Variants in LRRC37A observed in about 807,000 individuals in gnomAD.
The protein encoded by LRRC37A is leucine-rich repeat-containing protein 37A.
In LRRC37A, 3 loss-of-function variants were observed where a neutral mutation model predicts 35.4. That is an observed-to-expected ratio of 0.08 (90% CI 0.04 to 0.22). LRRC37A has a LOEUF of 0.22. LRRC37A is among the 10% of genes least tolerant of loss of function. The pLI is 1.00. For missense variants in LRRC37A, 67 were observed against 565.3 expected (o/e 0.12, Z 8.94); for synonymous variants, 23 against 215.0 (o/e 0.11, Z 7.81).
chr17:46,258,303 T>A, the LRRC37A span, among the ~76,000 whole-genome samples: 1 of 148,540 alleles, frequency 6.7e-6, no homozygotes, highest in African/African-American at 2.4e-5. Flanking sequence ...CTCTGCCTCC[T>A]GGGTTCAAGT....
At chr17:46,272,058 C>T in the LRRC37A span, among the ~76,000 whole-genome samples, 3 of 152,238 alleles carry the variant, frequency 2.0e-5, no homozygotes, top group Non-Finnish European at 4.4e-5. Context: ...CCATGCCCAG[C>T]CACAATTTTA....
At chr17:46,260,618 C>CAA in the LRRC37A span, 5 of 1,181,900 alleles carry the variant, frequency 4.2e-6, no homozygotes, top group East Asian at 2.8e-5. Context: ...GCTCTCTATT[C>CAA]TCTTTTTTTT....
chr17:46,271,168 T>TTTTCTTTTC, the LRRC37A span, among the ~76,000 whole-genome samples: 172 of 112,716 alleles, frequency 1.5e-3, no homozygotes, highest in Non-Finnish European at 3.0e-3. Flanking sequence ...TAGTTTCTTT[T>TTTTCTTTTC]TTTTTTTTTT....
the LRRC37A span, chr17:46,260,474 C>T: frequency 3.8e-6 from 6 of 1,588,664 alleles, no homozygotes; most frequent in Admixed American, 7.1e-5. Context: ...GCTGCCCACC[C>T]AGCCTGGGGG....
chr17:46,258,766 G>A, the LRRC37A span, among the ~76,000 whole-genome samples: 17 of 138,668 alleles, frequency 1.2e-4, no homozygotes, highest in East Asian at 2.3e-4. Context: ...CCAGGCTGGA[G>A]TGCAGTTGTG....
At chr17:46,270,868 C>G in the LRRC37A span, among the ~76,000 whole-genome samples, 2 of 152,226 alleles carry the variant, frequency 1.3e-5, no homozygotes, top group Non-Finnish European at 2.9e-5. Context: ...CCACTGCCCT[C>G]CAGCCTGGGC....
chr17:46,259,417 A>C, the LRRC37A span: 3 of 915,806 alleles, frequency 3.3e-6, no homozygotes, highest in African/African-American at 5.3e-5. Context: ...CCCAGCAGGG[A>C]GGCTGATGGG....
intron 9 of LRRC37A, 70 bp from the exon 10 acceptor site, chr17:46,332,482 C>T (rs1184922457): frequency 1.3e-6 from 1 of 771,302 alleles, no homozygotes; most frequent in African/African-American, 2.1e-5. Context: ...GTCAGCTACT[C>T]ACCTGGAATA....
the LRRC37A span, among the ~76,000 whole-genome samples, chr17:46,271,713 C>A: frequency 0.12 from 18,474 of 152,146 alleles, no homozygotes; most frequent in Non-Finnish European, 0.18. Flanking sequence ...ACACTCTAGG[C>A]CATTTGGAAT....
the LRRC37A span, among the ~76,000 whole-genome samples, chr17:46,254,101 C>T: frequency 6.6e-6 from 1 of 152,198 alleles, no homozygotes; most frequent in East Asian, 1.9e-4. Flanking sequence ...ATCCTCACAA[C>T]GACAGACCCG....
chr17:46,332,998 C>G lies in LRRC37A; in HGVS notation c.4809+342C>G, dbSNP rs1406606670. On this transcript the variant is annotated intron_variant, in intron 10 of 13. Transcript: ENST00000320254. ...CCTTACTCTGCCACTAATTTATTTC[C>G]TTGTTGCTGAAATGATGAGAGAGGT... Among the ~76,000 whole-genome samples the G allele has an allele frequency of 1.4e-5, 2 of 147,776 alleles. 1 individual carries two copies. Among genetic ancestry groups the G allele is most frequent in the African/African-American group, 5.0e-5 (2 of 40,230 alleles).
At chr17:46,280,200 C>T in the LRRC37A span, among the ~76,000 whole-genome samples, 1 of 152,186 alleles carries the variant, frequency 6.6e-6, no homozygotes, top group Non-Finnish European at 1.5e-5. Flanking sequence ...CCCATCCCTA[C>T]TAAAAACACA....
At chr17:46,292,120 T>C (rs1164211946), upstream of LRRC37A, among the ~76,000 whole-genome samples, 1 of 139,204 alleles carries the variant, frequency 7.2e-6, no homozygotes, top group Non-Finnish European at 1.6e-5. Flanking sequence ...TCACTTGAGG[T>C]CAGGAGTTCA....
chr17:46,288,305 CTTTTTTTTTT>C (rs78255121), upstream of LRRC37A, among the ~76,000 whole-genome samples: 1 of 112,260 alleles, frequency 8.9e-6, no homozygotes, highest in Non-Finnish European at 1.7e-5. Flanking sequence ...CCAGGCCCGG[CTTTTTTTTTT>C]TTTTTTTTTT....
the LRRC37A span, among the ~76,000 whole-genome samples, chr17:46,257,090 C>T: frequency 3.2e-3 from 482 of 152,256 alleles, 1 homozygote; most frequent in Non-Finnish European, 5.4e-3. Context: ...CCTTTCTGTG[C>T]CTCAGTTACT....
the LRRC37A span, among the ~76,000 whole-genome samples, chr17:46,285,161 A>C: frequency 6.6e-6 from 1 of 151,988 alleles, no homozygotes; most frequent in Non-Finnish European, 1.5e-5. Flanking sequence ...GAGCAACCAC[A>C]CTGGCCTTCT....
At chr17:46,334,728 A>G (rs1188881489) in intron 10 of LRRC37A, 6 of 79,258 alleles carry the variant, frequency 7.6e-5, no homozygotes, top group Non-Finnish European at 1.5e-4. Flanking sequence ...AATGTTATCT[A>G]AAACAGTCAA....
the LRRC37A span, among the ~76,000 whole-genome samples, chr17:46,250,020 C>G: frequency 6.6e-6 from 1 of 152,224 alleles, no homozygotes; most frequent in Non-Finnish European, 1.5e-5. Context: ...TCGTCTCAAA[C>G]TCCTGACCCC....
the LRRC37A span, among the ~76,000 whole-genome samples, chr17:46,279,540 C>T: frequency 5.3e-3 from 676 of 126,562 alleles, 2 homozygotes; most frequent in Non-Finnish European, 7.8e-3. Context: ...CTTGTTGTGT[C>T]GTCCAGGCTG....
Sources: gnomAD v4.1 joint callset for allele counts (sites outside exome capture counted in the v4.1 genomes callset) on GRCh38, gnomAD v4.1.1 for gene constraint, MANE v1.5 for transcripts, NCBI Gene and HGNC (gene_info 2026-07-23, HGNC 2026-07-21) for gene names.